ACMSD: variants seen among roughly 807,000 people sequenced by gnomAD.
ACMSD encodes the protein 2-amino-3-carboxymuconate-6-semialdehyde decarboxylase.
In ACMSD, 37 loss-of-function variants were observed where a neutral mutation model predicts 45.9. The observed-to-expected ratio is 0.81, with a 90% CI of 0.62 to 1.06. ACMSD has a LOEUF of 1.06. Ranked by LOEUF, ACMSD falls within the 50% of genes least tolerant of loss-of-function variation. ACMSD has a pLI of 0.00. For missense variants in ACMSD, 434 were observed against 420.9 expected (o/e 1.03, Z -0.27); for synonymous variants, 138 against 148.8 (o/e 0.93, Z 0.53).
intron 1 of ACMSD, among the ~76,000 whole-genome samples, chr2:134,840,166 G>GAAAAA (rs1559034706): frequency 5.0e-4 from 6 of 12,046 alleles, no homozygotes; most frequent in African/African-American, 2.2e-3. Flanking sequence ...ACTATACCTA[G>GAAAAA]CAAAAAAAAA....
intron 8 of ACMSD, among the ~76,000 whole-genome samples, chr2:134,894,552 C>T (rs564943403): frequency 6.6e-6 from 1 of 152,144 alleles, no homozygotes; most frequent in South Asian, 2.1e-4. Flanking sequence ...AGAATTAAAA[C>T]AAATTCTTCA....
chr2:134,885,320 A>AAT (rs1429155347), intron 8 of ACMSD, among the ~76,000 whole-genome samples: 25 of 86,118 alleles, frequency 2.9e-4, no homozygotes, highest in African/African-American at 8.0e-4. Context: ...TATATATATA[A>AAT]ATATATATGT....
At chr2:134,875,233 C>T (rs927107870) in intron 8 of ACMSD, among the ~76,000 whole-genome samples, 1 of 152,124 alleles carries the variant, frequency 6.6e-6, no homozygotes, top group South Asian at 2.1e-4. Context: ...CTTCAGCAAT[C>T]TGCCTGCCTC....
At chr2:134,850,994 T>C (rs180991533) in intron 2 of ACMSD, among the ~76,000 whole-genome samples, 34 of 152,322 alleles carry the variant, frequency 2.2e-4, no homozygotes, top group African/African-American at 7.7e-4. Context: ...TTGCCATCCT[T>C]ATATCCATGT....
At chr2:134,839,716 A>T (rs2104800528) in intron 1 of ACMSD, among the ~76,000 whole-genome samples, 1 of 152,318 alleles carries the variant, frequency 6.6e-6, no homozygotes, top group Middle Eastern at 3.4e-3. Flanking sequence ...GAGGGGTGGT[A>T]GAAACTGTGG....
At chr2:134,852,507 G>A (rs1173238693) in intron 2 of ACMSD, among the ~76,000 whole-genome samples, 2 of 152,012 alleles carry the variant, frequency 1.3e-5, no homozygotes, top group Admixed American at 6.5e-5. Flanking sequence ...TCAGGCAGAG[G>A]GAAGCAAAAA....
chr2:134,843,418 T>C (rs1168238193), intron 1 of ACMSD, among the ~76,000 whole-genome samples: 1 of 152,124 alleles, frequency 6.6e-6, no homozygotes, highest in Non-Finnish European at 1.5e-5. Context: ...ATAAGACTGG[T>C]ATAGAATTAA....
At chr2:134,871,804 T>C (rs1488850311) in intron 7 of ACMSD, among the ~76,000 whole-genome samples, 1 of 152,050 alleles carries the variant, frequency 6.6e-6, no homozygotes, top group Non-Finnish European at 1.5e-5. Context: ...CAGAGCTTCA[T>C]CATTTTTTAT....
chr2:134,839,963 C>A (rs1686707555), intron 1 of ACMSD, among the ~76,000 whole-genome samples: 1 of 151,902 alleles, frequency 6.6e-6, no homozygotes, highest in African/African-American at 2.4e-5. Flanking sequence ...TTAGAAGCTG[C>A]ATGCAGTTTC....
At chr2:134,886,309 C>T (rs1689459005) in intron 8 of ACMSD, among the ~76,000 whole-genome samples, 1 of 141,558 alleles carries the variant, frequency 7.1e-6, no homozygotes, top group South Asian at 2.2e-4. Flanking sequence ...CGTGCAGTGG[C>T]GCCATCTTGG....
rs1294570229 is a variant in ACMSD, at chr2:134,845,291, A to G, written c.102+14A>G. On this transcript the variant is annotated intron_variant, in intron 2 of 9. Transcript: ENST00000356140. The stretch of plus-strand genomic sequence containing the variant: ...CACCACAGCAAGGTGAGTTTCTTCC[A>G]AAGTATGAACATCAGTAGCACTCAG... 1.9e-6 allele frequency: 3 copies of G among 1,613,936 alleles called. No individual in the cohort carries two copies. The highest frequency in any genetic ancestry group is 1.3e-5 in the African/African-American group (1 of 74,906).
chr2:134,894,006 A>G (rs1177684214), intron 8 of ACMSD, among the ~76,000 whole-genome samples: 2 of 152,206 alleles, frequency 1.3e-5, no homozygotes, highest in African/African-American at 4.8e-5. Flanking sequence ...GTAAATGCCT[A>G]TATTAAAAAA....
chr2:134,847,220 C>T (rs1687091048), intron 2 of ACMSD, among the ~76,000 whole-genome samples: 1 of 151,942 alleles, frequency 6.6e-6, no homozygotes, highest in African/African-American at 2.4e-5. Flanking sequence ...GTGGAGAACA[C>T]ATAGAGGCAG....
At chr2:134,840,179 A>AAAAAAAAAAAC (rs1686724648) in intron 1 of ACMSD, among the ~76,000 whole-genome samples, 2 of 142,274 alleles carry the variant, frequency 1.4e-5, no homozygotes, top group South Asian at 2.5e-4. Flanking sequence ...AAAAAAAAAA[A>AAAAAAAAAAAC]AAAAAAAAAA....
chr2:134,891,346 T>C (rs1156417052), intron 8 of ACMSD, among the ~76,000 whole-genome samples: 1 of 152,158 alleles, frequency 6.6e-6, no homozygotes, highest in Non-Finnish European at 1.5e-5. Flanking sequence ...TTCATTCTTT[T>C]GTATGTGGCA....
intron 8 of ACMSD, among the ~76,000 whole-genome samples, chr2:134,895,575 AG>A (rs1219855364): frequency 1.3e-5 from 2 of 151,690 alleles, no homozygotes; most frequent in African/African-American, 4.8e-5. Flanking sequence ...TGAAAACGCA[AG>A]GGGGCCAGGT....
intron 6 of ACMSD, among the ~76,000 whole-genome samples, chr2:134,869,741 G>A (rs1573663176): frequency 6.6e-6 from 1 of 151,106 alleles, no homozygotes; most frequent in Non-Finnish European, 1.5e-5. Flanking sequence ...AAGAAAACAG[G>A]CTAATTTTGG....
chr2:134,901,924 A>G lies in ACMSD; in HGVS notation c.*64A>G, dbSNP rs2104983251. 1.7e-6 allele frequency: 2 copies of G among 1,186,554 alleles called. No individual in the cohort carries two copies. Among genetic ancestry groups the G allele is most frequent in the East Asian group, 4.9e-5 (2 of 41,024 alleles). 73.5% of individuals were successfully genotyped at this position (1,186,554 alleles called of 1,614,324 possible). A position where few individuals can be genotyped will look rare whatever the true frequency, so the allele number is the denominator to read the frequency against. On this transcript the variant is annotated 3_prime_UTR_variant, in exon 10 of 10. Transcript: ENST00000356140. Reference sequence around the variant, plus strand: ...TCATTTTTGTTTCTAAATATGTATCAACAGGTATCAACAAAATCCTATTTT... The same window carrying G: ...TCATTTTTGTTTCTAAATATGTATCGACAGGTATCAACAAAATCCTATTTT...
intron 8 of ACMSD, among the ~76,000 whole-genome samples, chr2:134,876,831 G>GA (rs1688759401): frequency 6.6e-6 from 1 of 152,028 alleles, no homozygotes; most frequent in Non-Finnish European, 1.5e-5. Flanking sequence ...ACTCAGGCTG[G>GA]AATGCAGTGG....
Sources: gnomAD v4.1 joint callset for allele counts (sites outside exome capture counted in the v4.1 genomes callset) on GRCh38, gnomAD v4.1.1 for gene constraint, MANE v1.5 for transcripts, NCBI Gene and HGNC (gene_info 2026-07-23, HGNC 2026-07-21) for gene names.